NRG1: variants seen among roughly 807,000 people sequenced by gnomAD.
The protein encoded by NRG1 is pro-neuregulin-1, membrane-bound isoform.
A neutral mutation model predicts 63.8 loss-of-function variants in NRG1; 18 were observed. The ratio of observed to expected loss-of-function variants is 0.28; its 90% CI spans 0.19 to 0.42. The LOEUF (loss-of-function observed/expected upper bound fraction) is 0.42. Among genes scored for constraint, NRG1 ranks in the 10% least tolerant of loss-of-function variants. The pLI is 1.00. For synonymous variants in NRG1, 302 were observed against 301.3 expected, an observed-to-expected ratio of 1.00 and a Z score of -0.02; for missense variants, 762 against 814.7, an observed-to-expected ratio of 0.94 and a Z score of 0.79.
intron 1 of NRG1, among the ~76,000 whole-genome samples, chr8:31,809,894 G>A (rs1169255245): frequency 4.0e-5 from 6 of 149,334 alleles, no homozygotes; most frequent in African/African-American, 7.4e-5. Context: ...GCCTTTAACC[G>A]CAGTCTCATG....
At chr8:32,388,265 CTGT>C (rs1811275597) in intron 1 of NRG1, among the ~76,000 whole-genome samples, 1 of 152,166 alleles carries the variant, frequency 6.6e-6, no homozygotes, top group African/African-American at 2.4e-5. Flanking sequence ...AAGAGCCTCT[CTGT>C]TGACATAAGT....
At chr8:31,689,396 A>G (rs1809251894) in intron 1 of NRG1, among the ~76,000 whole-genome samples, 1 of 152,218 alleles carries the variant, frequency 6.6e-6, no homozygotes, top group Admixed American at 6.5e-5. Context: ...TGGGTAAACA[A>G]TTATAATTTA....
chr8:31,651,907 G>C (rs1262460799), intron 1 of NRG1, among the ~76,000 whole-genome samples: 1 of 151,826 alleles, frequency 6.6e-6, no homozygotes, highest in Non-Finnish European at 1.5e-5. Flanking sequence ...CTTTCTTTTT[G>C]GCTCTCTATC....
At chr8:32,236,973 C>G (rs181763525) in intron 1 of NRG1, among the ~76,000 whole-genome samples, 20 of 152,178 alleles carry the variant, frequency 1.3e-4, no homozygotes, top group African/African-American at 4.8e-4. Flanking sequence ...TACCGCGAAC[C>G]CAACACTCAA....
intron 1 of NRG1, among the ~76,000 whole-genome samples, chr8:31,992,613 A>T (rs1406096519): frequency 6.6e-6 from 1 of 152,040 alleles, no homozygotes; most frequent in African/African-American, 2.4e-5. Context: ...AGAAAGACTC[A>T]TCTTTTTCTG....
chr8:31,856,126 G>A (rs1443221618), intron 1 of NRG1, among the ~76,000 whole-genome samples: 45 of 150,488 alleles, frequency 3.0e-4, no homozygotes, highest in African/African-American at 9.3e-4. Flanking sequence ...TCTTTGTGGC[G>A]TTCTCTGTAT....
intron 1 of NRG1, among the ~76,000 whole-genome samples, chr8:32,053,131 A>G (rs375496537): frequency 2.0e-5 from 3 of 152,192 alleles, no homozygotes; most frequent in Non-Finnish European, 4.4e-5. Context: ...ATGCAGATCT[A>G]TTTTGGAGAC....
intron 1 of NRG1, among the ~76,000 whole-genome samples, chr8:32,120,189 G>A (rs1183668111): frequency 6.6e-6 from 1 of 151,864 alleles, no homozygotes; most frequent in Non-Finnish European, 1.5e-5. Flanking sequence ...ACATGCCTTA[G>A]TATTATGAAA....
In NRG1 at chr8:32,291,533, C is replaced by CTTTT. The variant is rs757839225; in HGVS notation, c.38-304275_38-304272dup. Among the ~76,000 whole-genome samples, 143 of 98,018 alleles carry CTTTT rather than the reference C, an allele frequency of 1.5e-3. 1 individual carries two copies. The highest frequency in any genetic ancestry group is 0.01 in the East Asian group (32 of 3,200). The allele number at this position is 98,018 out of a possible 152,430, so 64.3% of individuals were successfully genotyped here. A position where few individuals can be genotyped will look rare whatever the true frequency, so the allele number is the denominator to read the frequency against. ...AAGTCCTTGTACAAATTTTTATCCA[C>CTTTT]TTTTTTTTTTTTTTTTTTTTTTTGA... On this transcript the variant is annotated intron_variant, in intron 1 of 10. Transcript: ENST00000519301.
chr8:31,724,023 C>A (rs1376620748), intron 1 of NRG1, among the ~76,000 whole-genome samples: 1 of 152,010 alleles, frequency 6.6e-6, no homozygotes, highest in African/African-American at 2.4e-5. Flanking sequence ...CTTAGTAGAG[C>A]TTTTTCTTCT....
At chr8:32,244,665 A>C (rs1202021969) in intron 1 of NRG1, among the ~76,000 whole-genome samples, 1 of 152,196 alleles carries the variant, frequency 6.6e-6, no homozygotes, top group Admixed American at 6.5e-5. Flanking sequence ...ATCAATAAAC[A>C]TTATAGGATG....
chr8:32,377,239 T>A (rs1809747015), intron 1 of NRG1, among the ~76,000 whole-genome samples: 1 of 152,214 alleles, frequency 6.6e-6, no homozygotes, highest in African/African-American at 2.4e-5. Context: ...TTTCTTCATG[T>A]GTTCCTTTGT....
chr8:31,907,621 A>G (rs1162986623), intron 1 of NRG1, among the ~76,000 whole-genome samples: 1 of 152,098 alleles, frequency 6.6e-6, no homozygotes, highest in African/African-American at 2.4e-5. Flanking sequence ...AATAGTGAAT[A>G]GGTTTTGTTT....
chr8:31,659,026 C>T (rs1805703795), intron 1 of NRG1, among the ~76,000 whole-genome samples: 1 of 152,180 alleles, frequency 6.6e-6, no homozygotes. Context: ...ATTAGGACTG[C>T]AAATTCCCAG....
intron 1 of NRG1, among the ~76,000 whole-genome samples, chr8:32,219,914 T>C: frequency 6.6e-6 from 1 of 152,232 alleles, no homozygotes; most frequent in Admixed American, 6.5e-5. Flanking sequence ...TTTGCCACTT[T>C]GGTGTCCTTT....
intron 1 of NRG1, among the ~76,000 whole-genome samples, chr8:32,473,452 A>T (rs1824096261): frequency 6.6e-6 from 1 of 152,140 alleles, no homozygotes; most frequent in Non-Finnish European, 1.5e-5. Context: ...GTTGGATCAG[A>T]ACTCCAAAGT....
At chr8:31,901,359 C>T (rs1201912585) in intron 1 of NRG1, among the ~76,000 whole-genome samples, 2 of 152,094 alleles carry the variant, frequency 1.3e-5, no homozygotes, top group Non-Finnish European at 2.9e-5. Flanking sequence ...TTTACGACTG[C>T]ATTGTTTCAA....
At chr8:32,485,259 A>G (rs1182215160) in intron 1 of NRG1, among the ~76,000 whole-genome samples, 2 of 151,858 alleles carry the variant, frequency 1.3e-5, no homozygotes, top group South Asian at 2.1e-4. Flanking sequence ...GGATTATAGT[A>G]CCACGCCCAG....
At chr8:31,854,390 T>G (rs1586826855) in intron 1 of NRG1, among the ~76,000 whole-genome samples, 1 of 152,208 alleles carries the variant, frequency 6.6e-6, no homozygotes, top group East Asian at 1.9e-4. Flanking sequence ...ATTTCTAGTT[T>G]ATTTGCGTAG....
Sources: gnomAD v4.1 joint callset for allele counts (sites outside exome capture counted in the v4.1 genomes callset) on GRCh38, gnomAD v4.1.1 for gene constraint, MANE v1.5 for transcripts, NCBI Gene and HGNC (gene_info 2026-07-23, HGNC 2026-07-21) for gene names.